The following WDR25 variants were observed in gnomAD, a reference collection of about 807,000 sequenced individuals.
The protein encoded by WDR25 is WD repeat-containing protein 25.
Under a neutral mutation model 47.7 loss-of-function variants are expected in WDR25, and 35 were observed. The observed-to-expected ratio is 0.73, with a 90% confidence interval of 0.56 to 0.97. The LOEUF is 0.97. Among genes scored for constraint, WDR25 ranks in the 50% least tolerant of loss-of-function variants. The probability of loss-of-function intolerance (pLI) is 0.00; values close to 1 mark genes in which losing one functional copy is unlikely to be tolerated. For synonymous variants in WDR25, 248 were observed against 278.9 expected (o/e 0.89, Z 1.10); for missense variants, 634 against 704.7 (o/e 0.90, Z 1.14).
chr14:100,480,303 C>T (rs1342933409), intron 3 of WDR25, among the ~76,000 whole-genome samples: 1 of 152,164 alleles, frequency 6.6e-6, no homozygotes, highest in Non-Finnish European at 1.5e-5. Context: ...ACAAGAGTGA[C>T]CATGAAAATC....
intron 2 of WDR25, among the ~76,000 whole-genome samples, chr14:100,408,501 T>G (rs1257418570): frequency 2.0e-5 from 3 of 152,128 alleles, no homozygotes; most frequent in Admixed American, 6.5e-5. Flanking sequence ...GCTGTCTCTT[T>G]TCCCTCCAGC....
chr14:100,450,098 A>G (rs1256798132), intron 2 of WDR25, among the ~76,000 whole-genome samples: 2 of 152,158 alleles, frequency 1.3e-5, no homozygotes, highest in Non-Finnish European at 2.9e-5. Flanking sequence ...AAAAACAAAA[A>G]TCTGCTTATC....
intron 4 of WDR25, among the ~76,000 whole-genome samples, chr14:100,503,059 G>A (rs530014020): frequency 1.4e-4 from 20 of 147,124 alleles, no homozygotes; most frequent in African/African-American, 3.4e-4. Flanking sequence ...GTGTGTGTGC[G>A]TGTGTGTGTG....
chr14:100,460,558 A>G (rs1899376858), intron 2 of WDR25, among the ~76,000 whole-genome samples: 1 of 152,236 alleles, frequency 6.6e-6, no homozygotes, highest in South Asian at 2.1e-4. Context: ...CTGAACTATA[A>G]TGTTAATGAC....
chr14:100,463,763 C>G (rs1431930205), intron 2 of WDR25, among the ~76,000 whole-genome samples: 1 of 152,176 alleles, frequency 6.6e-6, no homozygotes, highest in African/African-American at 2.4e-5. Context: ...GCAGGCTGAC[C>G]CATCCCTGCA....
At chr14:100,422,820 G>T in intron 2 of WDR25, among the ~76,000 whole-genome samples, 1 of 152,218 alleles carries the variant, frequency 6.6e-6, no homozygotes, top group Non-Finnish European at 1.5e-5. Flanking sequence ...GCCAGGCCCT[G>T]TGCTCCATCC....
intron 2 of WDR25, among the ~76,000 whole-genome samples, chr14:100,400,827 A>G (rs1239916524): frequency 1.3e-5 from 2 of 152,228 alleles, no homozygotes; most frequent in African/African-American, 2.4e-5. Context: ...AACTACCCAC[A>G]GTATTTCCAT....
rs758937164 is a variant in WDR25 at position 100,529,788 on chromosome 14, G to A, written c.1414-32G>A. 1.6e-5 allele frequency: 26 copies of A among 1,601,042 alleles called. No individual in the cohort carries two copies. The highest frequency in any genetic ancestry group is 1.3e-4 in the Admixed American group (8 of 59,592). ...ATACTCACCCCGGCTTGACAGGTGC[G>A]GCTTGCTCACCCACTGTGTCCCTCT... On this transcript the variant is annotated intron_variant, in intron 6 of 6. Transcript: ENST00000402312. This position sits in a 1 kb window ranked among gnomAD's most constrained non-coding sequence, Gnocchi z 5.1.
chr14:100,415,160 T>C (rs1356652988), intron 2 of WDR25, among the ~76,000 whole-genome samples: 1 of 152,106 alleles, frequency 6.6e-6, no homozygotes, highest in Non-Finnish European at 1.5e-5. Context: ...TGGCTTAAGC[T>C]ACTAAGGATG....
chr14:100,507,085 T>C (rs1298206916), intron 4 of WDR25, among the ~76,000 whole-genome samples: 3 of 152,194 alleles, frequency 2.0e-5, no homozygotes, highest in Admixed American at 1.3e-4. Context: ...TTTTTGTATA[T>C]GGTGAAAGGC....
intron 3 of WDR25, among the ~76,000 whole-genome samples, chr14:100,476,884 G>A (rs979536136): frequency 7.9e-5 from 12 of 152,192 alleles, no homozygotes; most frequent in African/African-American, 2.9e-4. Context: ...CTCTCCTGGA[G>A]ACCCATACTT....
chr14:100,399,153 T>C (rs1027317810), intron 2 of WDR25, among the ~76,000 whole-genome samples: 32 of 152,100 alleles, frequency 2.1e-4, no homozygotes, highest in Non-Finnish European at 5.9e-5. Context: ...AATGTTGACA[T>C]TAGCTAGAAT....
chr14:100,416,337 T>C (rs1897867685), intron 2 of WDR25, among the ~76,000 whole-genome samples: 1 of 152,216 alleles, frequency 6.6e-6, no homozygotes, highest in East Asian at 1.9e-4. Context: ...TTACGTATTC[T>C]CAACTCTGAT....
At chr14:100,460,112 A>ATTTTT (rs35102087) in intron 2 of WDR25, among the ~76,000 whole-genome samples, 1 of 129,652 alleles carries the variant, frequency 7.7e-6, no homozygotes, top group Admixed American at 7.6e-5. Flanking sequence ...TAGATACAAA[A>ATTTTT]TTTTTTTTTT....
In WDR25 at chr14:100,529,042, C is replaced by T; in HGVS notation, c.1273-26C>T. 1.3e-6 allele frequency: 2 copies of T among 1,515,602 alleles called. No individual in the cohort carries two copies. The highest frequency in any genetic ancestry group is 1.8e-6 in the Non-Finnish European group (2 of 1,127,998). 93.9% of individuals were successfully genotyped at this position (1,515,602 alleles called of 1,614,324 possible). A position where few individuals can be genotyped will look rare whatever the true frequency, so the allele number is the denominator to read the frequency against. On this transcript the variant is annotated intron_variant, in intron 5 of 6. Coordinates refer to ENST00000402312, the MANE Select transcript of WDR25 (RefSeq NM_001161476.3). The surrounding 1 kb of genome is among the most constrained non-coding windows in gnomAD (Gnocchi z 5.1). ...GCCAGGTTGGGGGTGTCTTCTCTGA[C>T]CCATTTGTGGCTCTGCTGTTCTCAG...
chr14:100,516,977 C>G (rs1901519535), intron 4 of WDR25, among the ~76,000 whole-genome samples: 1 of 150,852 alleles, frequency 6.6e-6, no homozygotes, highest in African/African-American at 2.4e-5. Context: ...GTCACCCAGG[C>G]TGAAGTGCAG....
At chr14:100,464,539 A>T (rs2140290390) in intron 2 of WDR25, among the ~76,000 whole-genome samples, 1 of 152,288 alleles carries the variant, frequency 6.6e-6, no homozygotes, top group East Asian at 1.9e-4. Flanking sequence ...GAATGAATGA[A>T]TAAATGAATG....
chr14:100,401,651 T>C (rs555117457), intron 2 of WDR25, among the ~76,000 whole-genome samples: 4 of 152,350 alleles, frequency 2.6e-5, no homozygotes, highest in African/African-American at 9.6e-5. Flanking sequence ...CATTTTTCTT[T>C]TTTGGGCTTC....
intron 2 of WDR25, among the ~76,000 whole-genome samples, chr14:100,394,369 G>C (rs564848995): frequency 7.2e-4 from 110 of 152,310 alleles, no homozygotes; most frequent in African/African-American, 2.5e-3. Flanking sequence ...CCATGAGCCA[G>C]GCTTCTGGAC....
Sources: allele counts gnomAD v4.1 joint callset (sites outside exome capture counted in the v4.1 genomes callset), GRCh38; gene constraint gnomAD v4.1.1; non-coding constraint Gnocchi (gnomAD v3.1); transcripts MANE v1.5; gene names NCBI Gene and HGNC (gene_info 2026-07-23, HGNC 2026-07-21).